DNM3: variants seen among roughly 807,000 people sequenced by gnomAD.
The protein encoded by DNM3 is dynamin-3.
Under a neutral mutation model 101.6 loss-of-function variants are expected in DNM3, and 47 were observed. The observed-to-expected ratio is 0.46, with a 90% CI of 0.37 to 0.59. The LOEUF is 0.59. Ranked by LOEUF, DNM3 falls within the 20% of genes least tolerant of loss-of-function variation. DNM3 has a pLI of 0.00. For missense variants in DNM3, 849 were observed against 1,085.7 expected (o/e 0.78, Z 3.06); for synonymous variants, 385 against 387.9 (o/e 0.99, Z 0.09).
chr1:171,851,704 G>A (rs2124998669), intron 1 of DNM3, among the ~76,000 whole-genome samples: 1 of 152,358 alleles, frequency 6.6e-6, no homozygotes, highest in African/African-American at 2.4e-5. Flanking sequence ...GTGAGCCACT[G>A]CACCCGACCT....
At chr1:171,848,151 C>G (rs927747450) in intron 1 of DNM3, among the ~76,000 whole-genome samples, 1 of 152,174 alleles carries the variant, frequency 6.6e-6, no homozygotes, top group African/African-American at 2.4e-5. Context: ...ATCATCTTCT[C>G]TTCCTCCTGT....
chr1:172,240,705 G>A (rs1351320566), intron 14 of DNM3, among the ~76,000 whole-genome samples: 1 of 152,156 alleles, frequency 6.6e-6, no homozygotes, highest in East Asian at 1.9e-4. Flanking sequence ...GTAATTTAAT[G>A]TGAAGCCACA....
intron 17 of DNM3, among the ~76,000 whole-genome samples, chr1:172,342,544 G>A (rs1573536801): frequency 6.6e-6 from 1 of 152,162 alleles, no homozygotes; most frequent in South Asian, 2.1e-4. Flanking sequence ...ATTTATAAGT[G>A]AGAGTCAAAT....
At chr1:171,971,505 A>G (rs2043989475) in intron 2 of DNM3, among the ~76,000 whole-genome samples, 1 of 152,176 alleles carries the variant, frequency 6.6e-6, no homozygotes, top group African/African-American at 2.4e-5. Flanking sequence ...ATTATGAAAT[A>G]TAGCTTAACA....
At chr1:172,145,236 T>G (rs2057816533) in intron 14 of DNM3, among the ~76,000 whole-genome samples, 1 of 152,080 alleles carries the variant, frequency 6.6e-6, no homozygotes, top group Admixed American at 6.6e-5. Context: ...TTTGGAAACC[T>G]TTTTGAGCTT....
chr1:171,841,591 G>A lies in DNM3; in HGVS notation c.-66G>A. Reference sequence around the variant, plus strand: ...CAGCAGCAGCAGCCAGGGCAGCGCGGCCCCTACTCCCTGTCAGGTCGTAGA... The same window carrying A: ...CAGCAGCAGCAGCCAGGGCAGCGCGACCCCTACTCCCTGTCAGGTCGTAGA... On this transcript the variant is annotated 5_prime_UTR_variant, in exon 1 of 21. Coordinates refer to ENST00000627582, the MANE Select transcript of DNM3 (RefSeq NM_015569.5). 1 of 1,553,572 alleles carries A rather than the reference G, an allele frequency of 6.4e-7. No individual in the cohort carries two copies. Among genetic ancestry groups the A allele is most frequent in the Non-Finnish European group, 8.7e-7 (1 of 1,153,184 alleles).
At position 172,131,246 on chromosome 1, in the gene DNM3, C is replaced by A; in HGVS notation, c.1617C>A (p.Phe539Leu). The part of the protein sequence containing the change: ...IMKGGSKGYW[F>L]VLTAESLSWY... ...AAGGCGGCTCGAAGGGATACTGGTT[C>A]GTCCTTACTGCGGAAAGCTTGTCCT... The change falls in exon 14 of 21, where the codon TTC (phenylalanine) becomes TTA (leucine). Residue 539 changes from phenylalanine to leucine, a missense_variant. Phe to Leu is a conservative substitution (Grantham distance 22). Around this residue, in one of 5 missense-constraint regions of DNM3, gnomAD observed 193 missense variants for 238.4 expected, o/e 0.81. Coordinates refer to ENST00000627582, the MANE Select transcript of DNM3 (RefSeq NM_015569.5). The A allele has an allele frequency of 6.2e-7, 1 of 1,613,278 alleles. No homozygotes were observed. The highest frequency in any genetic ancestry group is 2.2e-5 in the East Asian group (1 of 44,840).
chr1:171,921,689 G>A (rs2040182897), intron 1 of DNM3, 59 bp from the exon 2 acceptor site: 3 of 1,420,746 alleles, frequency 2.1e-6, no homozygotes, highest in African/African-American at 2.8e-5. Flanking sequence ...CTTGGTTTAT[G>A]AATGTACAGG....
intron 16 of DNM3, chr1:172,310,094 T>G (rs1180845624): frequency 6.6e-6 from 1 of 152,218 alleles, no homozygotes; most frequent in Admixed American, 6.5e-5. Context: ...GTCGAGTTGT[T>G]CTCCTGTTAT....
In DNM3 at chr1:172,153,677, TA is replaced by T. The variant is rs141761156; in HGVS notation, c.1659+22396del. Among the ~76,000 whole-genome samples the T allele has an allele frequency of 5.8e-3, 887 of 152,184 alleles. 13 individuals carry two copies. The highest frequency in any genetic ancestry group is 0.019 in the African/African-American group (808 of 41,530). ...ATGAAGTTGGAATTGAGGTTATTGG[TA>T]AAAAAATGTGTTAGGTTATTTAATA... is the stretch of plus-strand genomic sequence containing the variant. On this transcript the variant is annotated intron_variant, in intron 14 of 20. Transcript: ENST00000627582.
intron 11 of DNM3, among the ~76,000 whole-genome samples, chr1:172,073,655 T>C (rs548650272): frequency 6.6e-6 from 1 of 152,294 alleles, no homozygotes; most frequent in South Asian, 2.1e-4. Context: ...GTTCAAATGC[T>C]ACCTTCAATG....
intron 13 of DNM3, among the ~76,000 whole-genome samples, chr1:172,121,215 G>T (rs1343878909): frequency 6.6e-6 from 1 of 152,074 alleles, no homozygotes; most frequent in Non-Finnish European, 1.5e-5. Flanking sequence ...CAGGAAAAAA[G>T]TGAAAAAAAC....
At chr1:172,253,419 G>A (rs1379085051) in intron 14 of DNM3, among the ~76,000 whole-genome samples, 154 bp from the exon 15 acceptor site, 1 of 151,936 alleles carries the variant, frequency 6.6e-6, no homozygotes, top group Non-Finnish European at 1.5e-5. Context: ...GTGTAATCAA[G>A]TGTTAGCCAA....
Position 172,410,812 on chromosome 1 carries a change from G to A in DNM3, c.*2971G>A. ...CCTTCTCGACTTAGACTTAAAAAGT[G>A]GTCACATAGATTAATTTTGTGACTT... On this transcript the variant is annotated 3_prime_UTR_variant, in exon 21 of 21. Coordinates refer to ENST00000627582, the MANE Select transcript of DNM3 (RefSeq NM_015569.5). 3 of 985,186 alleles carry A rather than the reference G, an allele frequency of 3.0e-6. No homozygotes were observed. The highest frequency in any genetic ancestry group is 3.6e-6 in the Non-Finnish European group (3 of 829,792). 61.0% of individuals were successfully genotyped at this position (985,186 alleles called of 1,614,324 possible). A position where few individuals can be genotyped will look rare whatever the true frequency, so the allele number is the denominator to read the frequency against.
chr1:171,843,012 T>A lies in DNM3; in HGVS notation c.161+1195T>A, dbSNP rs186598072. On this transcript the variant is annotated intron_variant, in intron 1 of 20. Coordinates refer to ENST00000627582, the MANE Select transcript of DNM3 (RefSeq NM_015569.5). ...TATTTGGCTCATTCGTGACTTGGGATGCAGAAGGTTCCTGTTTCTGTTCCT... is the reference window on the plus strand; with the variant it reads ...TATTTGGCTCATTCGTGACTTGGGAAGCAGAAGGTTCCTGTTTCTGTTCCT... Among the ~76,000 whole-genome samples the A allele has an allele frequency of 3.0e-3, 457 of 152,360 alleles. 1 individual carries two copies. The highest frequency in any genetic ancestry group is 7.8e-3 in the Admixed American group (119 of 15,306).
chr1:172,085,077 C>CGT (rs2053437172), intron 12 of DNM3, among the ~76,000 whole-genome samples: 1 of 151,532 alleles, frequency 6.6e-6, no homozygotes, highest in South Asian at 2.1e-4. Context: ...AAATATGTAC[C>CGT]GTGTGTAATG....
chr1:172,256,466 G>A (rs1275687682), intron 15 of DNM3, among the ~76,000 whole-genome samples: 1 of 151,808 alleles, frequency 6.6e-6, no homozygotes, highest in Non-Finnish European at 1.5e-5. Context: ...TGTCCATTCT[G>A]TTTTGCTTTA....
chr1:172,119,856 C>T (rs1470489290), intron 13 of DNM3, among the ~76,000 whole-genome samples: 1 of 152,202 alleles, frequency 6.6e-6, no homozygotes, highest in Non-Finnish European at 1.5e-5. Flanking sequence ...ACACCCCTTT[C>T]TCTCCCATCT....
At chr1:172,073,105 C>T (rs183228238) in intron 11 of DNM3, among the ~76,000 whole-genome samples, 1,604 of 152,044 alleles carry the variant, frequency 0.011, 22 homozygotes, top group Middle Eastern at 0.024. Flanking sequence ...TAATTAATTA[C>T]ATTTGTAGTA....
Sources: gnomAD v4.1 joint callset for allele counts (sites outside exome capture counted in the v4.1 genomes callset) on GRCh38, gnomAD v4.1.1 for gene constraint, gnomAD v4.1.1 regional missense constraint, MANE v1.5 for transcripts, NCBI Gene and HGNC (gene_info 2026-07-23, HGNC 2026-07-21) for gene names.